SPATA1: variants seen among roughly 807,000 people sequenced by gnomAD.
The protein encoded by SPATA1 is spermatogenesis-associated protein 1.
Under a neutral mutation model 59.6 loss-of-function variants are expected in SPATA1, and 57 were observed. The observed-to-expected ratio is 0.96, with a 90% CI of 0.77 to 1.19. SPATA1 has a LOEUF of 1.19. Among genes scored for constraint, SPATA1 ranks in the 50% most tolerant of loss-of-function variants. The pLI, the probability that SPATA1 is intolerant of heterozygous loss-of-function variation, is 0.00. For missense variants in SPATA1, 448 were observed against 480.7 expected, an observed-to-expected ratio of 0.93 and a Z score of 0.64; for synonymous variants, 147 against 163.9, an observed-to-expected ratio of 0.90 and a Z score of 0.79.
At chr1:84,542,001 G>A (rs7532298) in intron 8 of SPATA1, among the ~76,000 whole-genome samples, 25,097 of 151,654 alleles carry the variant, frequency 0.17, 3,804 homozygotes, top group African/African-American at 0.4. Flanking sequence ...ATGGAGTCTC[G>A]CTCTCTTGCC....
chr1:84,566,894 C>G (rs532120429), downstream of SPATA1, among the ~76,000 whole-genome samples: 18 of 152,288 alleles, frequency 1.2e-4, no homozygotes, highest in South Asian at 3.7e-3. Context: ...CTCAGCCTCC[C>G]AAAGTGCTTA....
chr1:84,557,643 C>CA (rs1196762825), downstream of SPATA1, among the ~76,000 whole-genome samples: 1 of 150,524 alleles, frequency 6.6e-6, no homozygotes, highest in Non-Finnish European at 1.5e-5. Flanking sequence ...ATCATGAGGT[C>CA]AGGAGATCGA....
intron 6 of SPATA1, among the ~76,000 whole-genome samples, chr1:84,529,793 G>C (rs1034919302): frequency 1.3e-5 from 2 of 150,482 alleles, no homozygotes; most frequent in African/African-American, 4.9e-5. Flanking sequence ...TGATCCACCC[G>C]CCTCGGCCTC....
chr1:84,537,528 A>G (rs6668752), intron 8 of SPATA1, among the ~76,000 whole-genome samples: 7,570 of 152,258 alleles, frequency 0.05, 256 homozygotes, highest in Admixed American at 0.09. Flanking sequence ...CATACCCAGA[A>G]CTTATTGAGT....
At chr1:84,527,185 A>T (rs907268058) in intron 6 of SPATA1, among the ~76,000 whole-genome samples, 1 of 152,144 alleles carries the variant, frequency 6.6e-6, no homozygotes, top group African/African-American at 2.4e-5. Context: ...TGTTGTCTTT[A>T]GTCAACATCT....
At chr1:84,553,032 T>A in intron 12 of SPATA1, 1 of 1,509,344 alleles carries the variant, frequency 6.6e-7, no homozygotes, top group Non-Finnish European at 8.9e-7. Flanking sequence ...ATTCTTTTTA[T>A]AGATGAGAAA....
rs1683524782 is a variant in SPATA1, at chr1:84,532,786, TA to T, written c.545-69del. The T allele has an allele frequency of 3.7e-6, 4 of 1,068,766 alleles. No homozygotes were observed. The Admixed American group carries it at 8.7e-5, about 23-fold the overall frequency. The allele number at this position is 1,068,766 out of a possible 1,614,324, so 66.2% of individuals were successfully genotyped here. On this transcript the variant is annotated intron_variant, in intron 6 of 12. Coordinates refer to ENST00000490879, the Ensembl canonical transcript of SPATA1. ...ACGATAAGATTATAGTGTACATGTA[TA>T]AAAACAAACGTTTATTTTACTATTT...
downstream of SPATA1, among the ~76,000 whole-genome samples, chr1:84,557,003 G>C (rs1684450858): frequency 1.3e-5 from 2 of 152,164 alleles, no homozygotes; most frequent in Non-Finnish European, 2.9e-5. Flanking sequence ...CATCATTCTA[G>C]CTAGTACTTT....
At chr1:84,559,095 A>G (rs1049671053), downstream of SPATA1, among the ~76,000 whole-genome samples, 3 of 152,276 alleles carry the variant, frequency 2.0e-5, no homozygotes, top group African/African-American at 7.2e-5. Context: ...GCAGACATTA[A>G]ATTTTTTGCA....
chr1:84,525,560 A>G, intron 4 of SPATA1, 136 bp from the exon 5 acceptor site: 2 of 647,442 alleles, frequency 3.1e-6, no homozygotes, highest in South Asian at 4.5e-5. Flanking sequence ...CTACATTTCT[A>G]GAATCTAGCC....
downstream of SPATA1, among the ~76,000 whole-genome samples, chr1:84,566,848 T>C (rs1164041876): frequency 1.3e-5 from 2 of 152,200 alleles, no homozygotes; most frequent in Non-Finnish European, 2.9e-5. Context: ...TTGCCCAGGC[T>C]GGTCTCAAAC....
At chr1:84,564,788 G>A (rs955823140) in intron 4 of SPATA1, among the ~76,000 whole-genome samples, 4 of 152,146 alleles carry the variant, frequency 2.6e-5, no homozygotes, top group Non-Finnish European at 4.4e-5. Flanking sequence ...GCTCATGCCT[G>A]TAATTGAAGC....
intron 8 of SPATA1, among the ~76,000 whole-genome samples, chr1:84,540,802 A>C (rs1683873032): frequency 6.6e-6 from 1 of 152,236 alleles, no homozygotes; most frequent in African/African-American, 2.4e-5. Flanking sequence ...TAAGGTCTGC[A>C]CCATGCTTAG....
intron 1 of SPATA1, chr1:84,506,658 G>C (rs12566431): frequency 6.5e-6 from 1 of 152,726 alleles, no homozygotes; most frequent in Non-Finnish European, 1.5e-5. Flanking sequence ...CCGTACAGGC[G>C]TGTCTCTCTG....
intron 10 of SPATA1, among the ~76,000 whole-genome samples, chr1:84,546,029 T>C (rs1684074682): frequency 6.6e-6 from 1 of 152,214 alleles, no homozygotes; most frequent in Non-Finnish European, 1.5e-5. Context: ...CTTCTATTCA[T>C]TTATCAAATG....
downstream of SPATA1, among the ~76,000 whole-genome samples, chr1:84,555,441 T>C (rs1197748677): frequency 6.6e-6 from 1 of 152,232 alleles, no homozygotes; most frequent in Non-Finnish European, 1.5e-5. Flanking sequence ...ACTTACAATT[T>C]TTAGACTTTA....
At chr1:84,517,923 A>T (rs954149644) in intron 2 of SPATA1, among the ~76,000 whole-genome samples, 1 of 152,132 alleles carries the variant, frequency 6.6e-6, no homozygotes, top group Non-Finnish European at 1.5e-5. Flanking sequence ...CTAATTAAGT[A>T]AAGCATTATG....
At chr1:84,541,072 T>C (rs76030041) in intron 8 of SPATA1, among the ~76,000 whole-genome samples, 1 of 152,328 alleles carries the variant, frequency 6.6e-6, no homozygotes, top group African/African-American at 2.4e-5. Flanking sequence ...TATGTTACTA[T>C]TTAGAAGTGT....
intron 10 of SPATA1, among the ~76,000 whole-genome samples, chr1:84,547,462 G>A (rs971502943): frequency 1.3e-5 from 2 of 152,300 alleles, no homozygotes; most frequent in Non-Finnish European, 2.9e-5. Flanking sequence ...TGCCCATAAG[G>A]AGCTTGCTTC....
Sources: gnomAD v4.1 joint callset for allele counts (sites outside exome capture counted in the v4.1 genomes callset) on GRCh38, gnomAD v4.1.1 for gene constraint, MANE v1.5 for transcripts, NCBI Gene and HGNC (gene_info 2026-07-23, HGNC 2026-07-21) for gene names.